Variants in CMIP observed in about 807,000 individuals in gnomAD.
CMIP encodes the protein c-Maf inducing protein.
Under a neutral mutation model 97.3 loss-of-function variants are expected in CMIP, and 13 were observed. The observed-to-expected ratio is 0.13, with a 90% CI of 0.09 to 0.21. The LOEUF is 0.21. Ranked by LOEUF, CMIP falls within the 10% of genes least tolerant of loss-of-function variation. The pLI is 1.00. For missense variants in CMIP, 847 were observed against 1,024.9 expected (o/e 0.83, Z 2.37); for synonymous variants, 538 against 436.3 (o/e 1.23, Z -2.91).
chr16:81,460,130 T>C (rs1906815850), intron 1 of CMIP, among the ~76,000 whole-genome samples: 1 of 152,120 alleles, frequency 6.6e-6, no homozygotes, highest in South Asian at 2.1e-4. Flanking sequence ...ACAGGGCCTG[T>C]GTGTTTTTCT....
intron 1 of CMIP, among the ~76,000 whole-genome samples, chr16:81,541,465 C>T (rs1169381563): frequency 6.6e-6 from 1 of 152,176 alleles, no homozygotes; most frequent in Non-Finnish European, 1.5e-5. Context: ...CTGATCGGTG[C>T]CCCAGGCTGG....
intron 14 of CMIP, chr16:81,697,000 A>G (rs1341425985): frequency 5.7e-6 from 2 of 349,040 alleles, no homozygotes; most frequent in South Asian, 3.7e-5. Context: ...CACACAGTTC[A>G]TTGCCATGGT....
intron 10 of CMIP, among the ~76,000 whole-genome samples, chr16:81,688,825 C>T (rs1337122471): frequency 1.3e-5 from 2 of 152,182 alleles, no homozygotes; most frequent in African/African-American, 2.4e-5. Context: ...AACCCCACAA[C>T]AGGCCCCGGT....
Position 81,693,452 on chromosome 16 carries a change from G to T in CMIP, c.1495G>T (p.Val499Leu), listed in dbSNP as rs1461650386. The change falls in exon 13 of 21, where the codon GTG (valine) becomes TTG (leucine). Residue 499 changes from valine (V) to leucine (L), a missense_variant. Around this residue, in one of 4 missense-constraint regions of CMIP, gnomAD observed 266 missense variants for 384.2 expected, o/e 0.69. Transcript: ENST00000537098. ...CGTCTCTTCCAGGGAACTGAAGTAC[G>T]TGATTCAGAGGTTCGCCGAAGACCC... ...HEKFTKELKY[V>L]IQRFAEDPRQ... 6.2e-7 allele frequency: 1 copy of T among 1,612,520 alleles called. No individual in the cohort carries two copies. Among genetic ancestry groups the T allele is most frequent in the Non-Finnish European group, 8.5e-7 (1 of 1,179,328 alleles).
chr16:81,581,819 A>G (rs927003683), intron 1 of CMIP, among the ~76,000 whole-genome samples: 1 of 152,228 alleles, frequency 6.6e-6, no homozygotes, highest in African/African-American at 2.4e-5. Flanking sequence ...CCTGATCCCC[A>G]GAACCCTTTA....
At chr16:81,668,448 G>T (rs1488176333) in intron 7 of CMIP, among the ~76,000 whole-genome samples, 1 of 152,154 alleles carries the variant, frequency 6.6e-6, no homozygotes, top group Non-Finnish European at 1.5e-5. Context: ...GCTGGGCGCC[G>T]ACTTCCTGCC....
chr16:81,692,161 T>G, intron 11 of CMIP, among the ~76,000 whole-genome samples: 1 of 152,284 alleles, frequency 6.6e-6, no homozygotes, highest in East Asian at 1.9e-4. Flanking sequence ...GTTATCGTCT[T>G]TTATTATGCA....
At chr16:81,504,213 G>C (rs953845553) in intron 1 of CMIP, among the ~76,000 whole-genome samples, 1 of 151,968 alleles carries the variant, frequency 6.6e-6, no homozygotes, top group Non-Finnish European at 1.5e-5. Context: ...GTAATCCCAA[G>C]TACTTGGGAG....
chr16:81,690,594 C>T (rs926303778), intron 10 of CMIP, among the ~76,000 whole-genome samples: 2 of 152,182 alleles, frequency 1.3e-5, no homozygotes, highest in Non-Finnish European at 2.9e-5. Context: ...GCCTCCGCCT[C>T]CCAGGTTCTA....
At chr16:81,680,252 T>A (rs981382214) in intron 10 of CMIP, among the ~76,000 whole-genome samples, 8 of 152,190 alleles carry the variant, frequency 5.3e-5, no homozygotes, top group Admixed American at 6.5e-5. Flanking sequence ...CAGCGTTTGG[T>A]CATTCTGTCA....
intron 1 of CMIP, among the ~76,000 whole-genome samples, chr16:81,544,964 GC>G (rs948491285): frequency 9.9e-5 from 15 of 152,084 alleles, no homozygotes; most frequent in African/African-American, 3.1e-4. Flanking sequence ...CCAAATTGGG[GC>G]CAGACTCAAT....
At chr16:81,533,913 T>G (rs1160346294) in intron 1 of CMIP, 3 of 152,200 alleles carry the variant, frequency 2.0e-5, no homozygotes, top group Non-Finnish European at 4.4e-5. Context: ...TCCTTCCATC[T>G]CCATCACCTT....
At chr16:81,571,131 G>A (rs565212464) in intron 1 of CMIP, among the ~76,000 whole-genome samples, 156 of 152,268 alleles carry the variant, frequency 1.0e-3, no homozygotes, top group African/African-American at 3.6e-3. Flanking sequence ...TAACTCAGCA[G>A]TTTTTCTGTA....
At chr16:81,595,735 A>C (rs149871596) in intron 1 of CMIP, among the ~76,000 whole-genome samples, 50 of 152,110 alleles carry the variant, frequency 3.3e-4, no homozygotes, top group African/African-American at 1.0e-3. Flanking sequence ...TCTTTTTTTT[A>C]TCGCTGCATA....
Position 81,701,749 on chromosome 16 carries a change from G to A in CMIP, c.1845G>A (p.Gly615=). The A allele has an allele frequency of 6.2e-7, 1 of 1,613,884 alleles. No homozygotes were observed. The highest frequency in any genetic ancestry group is 8.5e-7 in the Non-Finnish European group (1 of 1,179,882). Residue 615 remains glycine (G), a synonymous_variant, in exon 16 of 21, where the codon GGG becomes GGA. Coordinates refer to ENST00000537098, the MANE Select transcript of CMIP (RefSeq NM_198390.3). The part of the protein sequence containing the change: ...IISTLESTDV[G]KRMYEQLCDR... Reference sequence around the variant, plus strand: ...CAACCCTGGAGAGCACAGACGTGGGGAAGCGCATGTACGAGCAGCTGTGTG... The same window carrying A: ...CAACCCTGGAGAGCACAGACGTGGGAAAGCGCATGTACGAGCAGCTGTGTG...
intron 1 of CMIP, among the ~76,000 whole-genome samples, chr16:81,575,606 C>G (rs571715062): frequency 6.6e-6 from 1 of 152,344 alleles, no homozygotes; most frequent in South Asian, 2.1e-4. Flanking sequence ...CAACTCCCTG[C>G]TCCCTTTTGT....
In CMIP at chr16:81,705,576, C is replaced by T; in HGVS notation, c.2169C>T (p.Val723=). ...TGCTGAACCTGTGCGAGACCCCGGT[C>T]ACAGACGCTGGCCTGCTGGCCCTGA... ...LQVLNLCETP[V]TDAGLLALSS... Residue 723 remains valine, a synonymous_variant, in exon 19 of 21, where the codon GTC becomes GTT. Coordinates refer to ENST00000537098, the MANE Select transcript of CMIP (RefSeq NM_198390.3). The T allele has an allele frequency of 6.2e-7, 1 of 1,607,108 alleles. No homozygotes were observed. Among genetic ancestry groups the T allele is most frequent in the Non-Finnish European group, 8.5e-7 (1 of 1,177,866 alleles).
intron 1 of CMIP, among the ~76,000 whole-genome samples, chr16:81,567,090 G>A (rs2150881800): frequency 6.6e-6 from 1 of 152,314 alleles, no homozygotes; most frequent in Non-Finnish European, 1.5e-5. Context: ...GCGACTTCTC[G>A]TACCTCCTGC....
chr16:81,650,243 T>G (rs1394218055), intron 3 of CMIP, among the ~76,000 whole-genome samples: 1 of 152,178 alleles, frequency 6.6e-6, no homozygotes, highest in Non-Finnish European at 1.5e-5. Flanking sequence ...GTCTTTCCCC[T>G]CCCGCTCCCT....
Sources: allele counts gnomAD v4.1 joint callset (sites outside exome capture counted in the v4.1 genomes callset), GRCh38; gene constraint gnomAD v4.1.1; regional missense constraint gnomAD v4.1.1; transcripts MANE v1.5; gene names NCBI Gene and HGNC (gene_info 2026-07-23, HGNC 2026-07-21).